Variants in BBS9 observed in about 807,000 individuals in gnomAD.
BBS9 encodes the protein Bardet-Biedl syndrome 9.
In BBS9, 89 loss-of-function variants were observed where a neutral mutation model predicts 117.7. The observed-to-expected ratio is 0.76, with a 90% CI of 0.64 to 0.90. BBS9 has a LOEUF of 0.90. BBS9 is among the 40% of genes least tolerant of loss of function. The pLI is 0.00. For missense variants in BBS9, 982 were observed against 1,042.2 expected, an observed-to-expected ratio of 0.94 and a Z score of 0.80; for synonymous variants, 379 against 370.9, an observed-to-expected ratio of 1.02 and a Z score of -0.25.
chr7:33,284,352 A>G (rs1215299530), intron 9 of BBS9, among the ~76,000 whole-genome samples: 2 of 152,206 alleles, frequency 1.3e-5, no homozygotes, highest in Non-Finnish European at 2.9e-5. Context: ...ATCTTTGATT[A>G]GAATTCAAGT....
intron 9 of BBS9, among the ~76,000 whole-genome samples, chr7:33,279,058 G>A (rs1801322879): frequency 6.6e-6 from 1 of 152,146 alleles, no homozygotes; most frequent in Non-Finnish European, 1.5e-5. Context: ...TATTTTTAGA[G>A]ACAGGGTCTT....
At chr7:33,455,203 A>G (rs1353670957) in intron 19 of BBS9, among the ~76,000 whole-genome samples, 1 of 151,564 alleles carries the variant, frequency 6.6e-6, no homozygotes, top group African/African-American at 2.4e-5. Flanking sequence ...ACCTCCTCAG[A>G]CTTCAGTTCC....
rs536087036 is a variant in BBS9, at chr7:33,502,817, A to G, written c.2116-2646A>G. ...TCCAGAGTTTGAATCCTGTTCTTTC[A>G]TCTACTAGGTGATGGTCAGGCTGAC... On this transcript the variant is annotated intron_variant, in intron 19 of 22. Coordinates refer to ENST00000242067, the MANE Select transcript of BBS9 (RefSeq NM_198428.3). 8.8e-4 allele frequency among the ~76,000 whole-genome samples: 134 copies of G among 152,182 alleles called. 1 individual carries two copies. The highest frequency in any genetic ancestry group is 9.8e-4 in the Non-Finnish European group (67 of 68,026).
chr7:33,379,203 A>G (rs950258749), intron 17 of BBS9, among the ~76,000 whole-genome samples: 24 of 152,276 alleles, frequency 1.6e-4, no homozygotes, highest in Admixed American at 1.0e-3. Flanking sequence ...TGCTCTTTCC[A>G]TAGATTTCCC....
At chr7:33,632,123 G>A (rs1322366219) in intron 21 of BBS9, among the ~76,000 whole-genome samples, 1 of 152,160 alleles carries the variant, frequency 6.6e-6, no homozygotes, top group Non-Finnish European at 1.5e-5. Flanking sequence ...GGAGAACGGG[G>A]TAGGTGCTCT....
intron 5 of BBS9, among the ~76,000 whole-genome samples, chr7:33,224,089 T>C (rs1252779488): frequency 6.6e-6 from 1 of 152,224 alleles, no homozygotes; most frequent in African/African-American, 2.4e-5. Context: ...GTCAGATTTG[T>C]ATTTTTAAAA....
At chr7:33,311,651 T>C (rs1809253988) in intron 9 of BBS9, among the ~76,000 whole-genome samples, 1 of 152,108 alleles carries the variant, frequency 6.6e-6, no homozygotes, top group South Asian at 2.1e-4. Flanking sequence ...ACCCCGTCTC[T>C]ACTGAAAATA....
At chr7:33,608,981 A>G (rs1170432647), downstream of BBS9, among the ~76,000 whole-genome samples, 1 of 152,134 alleles carries the variant, frequency 6.6e-6, no homozygotes, top group Non-Finnish European at 1.5e-5. Flanking sequence ...CAGTATTCTT[A>G]TAGCTTGAGG....
intron 6 of BBS9, 55 bp downstream of exon 6, chr7:33,257,465 G>A (rs1407979114): frequency 3.2e-6 from 5 of 1,551,218 alleles, no homozygotes; most frequent in Non-Finnish European, 4.4e-6. Context: ...GTTTGTTGCT[G>A]ACTAATTTTT....
chr7:33,434,876 G>A (rs550786713), intron 19 of BBS9, among the ~76,000 whole-genome samples: 14 of 152,104 alleles, frequency 9.2e-5, no homozygotes, highest in South Asian at 4.1e-4. Context: ...GTAATATTGC[G>A]GCTTTGACCT....
chr7:33,510,734 A>G (rs556344513), intron 20 of BBS9, among the ~76,000 whole-genome samples: 213 of 152,336 alleles, frequency 1.4e-3, no homozygotes, highest in Middle Eastern at 3.4e-3. Context: ...CAATAGCCAC[A>G]TGTGAATGAG....
intron 21 of BBS9, among the ~76,000 whole-genome samples, chr7:33,594,403 A>G (rs1292820058): frequency 7.4e-5 from 11 of 148,372 alleles, no homozygotes. Flanking sequence ...GCAGCTGAAC[A>G]CTGTTGTCTC....
In BBS9 at chr7:33,620,391, G is replaced by A. The variant is rs868825609; in HGVS notation, c.2522-14786G>A. Reference sequence around the variant, plus strand: ...AGACTCCTTTTAAAAACTATTAAAAGCAATAAATTGAGTAAAGTTGCGGGA... The same window carrying A: ...AGACTCCTTTTAAAAACTATTAAAAACAATAAATTGAGTAAAGTTGCGGGA... On this transcript the variant is annotated intron_variant, in intron 21 of 21. Transcript: ENST00000671952. 3.9e-5 allele frequency among the ~76,000 whole-genome samples: 6 copies of A among 151,974 alleles called. No homozygotes were observed. The South Asian group carries it at 6.2e-4, about 16-fold the overall frequency.
At chr7:33,630,937 G>A (rs1865863580) in intron 21 of BBS9, among the ~76,000 whole-genome samples, 1 of 152,176 alleles carries the variant, frequency 6.6e-6, no homozygotes, top group Admixed American at 6.5e-5. Flanking sequence ...CTGCCCTCAT[G>A]GGATTACAGC....
intron 5 of BBS9, among the ~76,000 whole-genome samples, chr7:33,237,733 A>T (rs1056289184): frequency 1.3e-5 from 2 of 152,280 alleles, no homozygotes; most frequent in Middle Eastern, 3.4e-3. Flanking sequence ...CTAATGGAAG[A>T]TTTTCACTGA....
chr7:33,286,694 C>T (rs982849126), intron 9 of BBS9, among the ~76,000 whole-genome samples: 1 of 151,886 alleles, frequency 6.6e-6, no homozygotes, highest in Non-Finnish European at 1.5e-5. Flanking sequence ...GTGTGGGGGG[C>T]AGTAACATAA....
intron 5 of BBS9, among the ~76,000 whole-genome samples, chr7:33,244,394 A>G (rs1254652357): frequency 6.6e-6 from 1 of 152,164 alleles, no homozygotes; most frequent in Non-Finnish European, 1.5e-5. Context: ...AAAAATTGAC[A>G]TTTCTGAATT....
chr7:33,322,098 T>C lies in BBS9; in HGVS notation c.1017-14343T>C, dbSNP rs566278072. On this transcript the variant is annotated intron_variant, in intron 9 of 22. Transcript: ENST00000242067. ...CACTTGGTCCTAATGAATGATCTTTTTAATGTGTTTTGAAGTTGCTTTACT... is the reference window on the plus strand; with the variant it reads ...CACTTGGTCCTAATGAATGATCTTTCTAATGTGTTTTGAAGTTGCTTTACT... 7.9e-5 allele frequency among the ~76,000 whole-genome samples: 12 copies of C among 152,206 alleles called. No homozygotes were observed. The South Asian group carries it at 2.5e-3, about 32-fold the overall frequency.
At chr7:33,413,748 G>A (rs138518690) in intron 19 of BBS9, among the ~76,000 whole-genome samples, 4 of 152,266 alleles carry the variant, frequency 2.6e-5, no homozygotes, top group African/African-American at 7.2e-5. Flanking sequence ...CAGGCCGGGC[G>A]CAGTGGCTCA....
Sources: gnomAD v4.1 joint callset for allele counts (sites outside exome capture counted in the v4.1 genomes callset) on GRCh38, gnomAD v4.1.1 for gene constraint, MANE v1.5 for transcripts, NCBI Gene and HGNC (gene_info 2026-07-23, HGNC 2026-07-21) for gene names.